CST7: variants seen among roughly 807,000 people sequenced by gnomAD.
The protein encoded by CST7 is cystatin F, also known as cystatin-F.
CST7 carries 15 observed loss-of-function variants against 13.1 expected under a neutral mutation model. The observed-to-expected ratio is 1.14, with a 90% CI of 0.77 to 1.76. CST7 has a LOEUF of 1.76. CST7 is among the 40% of genes most tolerant of loss of function. The pLI is 0.00. For synonymous variants in CST7, 75 were observed against 66.9 expected (o/e 1.12, Z -0.59); for missense variants, 193 against 178.8 (o/e 1.08, Z -0.45).
Position 24,949,468 on chromosome 20 carries a change from AC to A in CST7, c.-33del, listed in dbSNP as rs746026113. ...CTGCCTGAGAAGGCACTGCACGGCC[AC>A]CCCCAACTGCCCCGCACTGTCCCTA... On this transcript the variant is annotated 5_prime_UTR_variant, in exon 1 of 4. Transcript: ENST00000480798. 5.0e-6 allele frequency: 8 copies of A among 1,613,572 alleles called. No homozygotes were observed. Among genetic ancestry groups the A allele is most frequent in the African/African-American group, 4.0e-5 (3 of 74,850 alleles).
chr20:24,949,636 G>A, intron 1 of CST7, 61 bp downstream of exon 1: 3 of 1,600,622 alleles, frequency 1.9e-6, no homozygotes, highest in Non-Finnish European at 2.6e-6. Flanking sequence ...GGCCACTGGT[G>A]CCTTGGGTCT....
At chr20:24,959,096 C>A (rs757767902) in intron 3 of CST7, 52 bp downstream of exon 3, 11 of 1,388,574 alleles carry the variant, frequency 7.9e-6, no homozygotes, top group Middle Eastern at 1.8e-4. Flanking sequence ...CCAGCCCACT[C>A]CCTCCCAGGA....
chr20:24,959,532 T>G, intron 3 of CST7, 103 bp from the exon 4 acceptor site: 1 of 1,047,616 alleles, frequency 9.5e-7, no homozygotes, highest in Non-Finnish European at 1.4e-6. Context: ...AAATGAAAAA[T>G]AGGGGCAGGA....
chr20:24,954,935 AC>A (rs1167161097), intron 1 of CST7, among the ~76,000 whole-genome samples: 4 of 152,144 alleles, frequency 2.6e-5, no homozygotes, highest in Non-Finnish European at 4.4e-5. Flanking sequence ...TCAAATTTCT[AC>A]CAAAAATAGG....
chr20:24,955,025 GGAAA>G (rs1235994467), intron 1 of CST7, among the ~76,000 whole-genome samples: 2 of 145,190 alleles, frequency 1.4e-5, no homozygotes, highest in East Asian at 2.1e-4. Flanking sequence ...TGTAATGTGA[GGAAA>G]GAAAGCAAAA....
chr20:24,959,578 C>G, intron 3 of CST7, 57 bp from the exon 4 acceptor site: 1 of 1,533,498 alleles, frequency 6.5e-7, no homozygotes, highest in Non-Finnish European at 9.0e-7. Context: ...CCTCCACGGG[C>G]AGAGGGCTCC....
At chr20:24,949,724 C>A in intron 1 of CST7, 149 bp downstream of exon 1, 1 of 1,039,142 alleles carries the variant, frequency 9.6e-7, no homozygotes, top group East Asian at 2.6e-5. Context: ...GTGAGAGGGG[C>A]AAGGGGCTCC....
chr20:24,958,039 G>A (rs1040310956), intron 2 of CST7, among the ~76,000 whole-genome samples: 2 of 152,224 alleles, frequency 1.3e-5, no homozygotes, highest in Non-Finnish European at 2.9e-5. Flanking sequence ...GTGGGATGCA[G>A]GCTGTGGATG....
intron 1 of CST7, among the ~76,000 whole-genome samples, chr20:24,956,418 A>G (rs1031868146): frequency 2.6e-5 from 4 of 152,154 alleles, no homozygotes; most frequent in African/African-American, 9.7e-5. Flanking sequence ...TCCAGTCCAT[A>G]GCAGGCACAA....
At chr20:24,952,797 G>A (rs1008341764) in intron 1 of CST7, among the ~76,000 whole-genome samples, 2 of 152,224 alleles carry the variant, frequency 1.3e-5, no homozygotes, top group African/African-American at 4.8e-5. Context: ...CCCCATCTCA[G>A]GGATGGTTTC....
rs1351837645 is a variant in CST7 at position 24,959,638 on chromosome 20, C to A, written c.364C>A (p.Leu122Met). 22 of 1,614,156 alleles carry A rather than the reference C, an allele frequency of 1.4e-5. No homozygotes were observed. Among genetic ancestry groups the A allele is most frequent in the Non-Finnish European group, 1.8e-5 (21 of 1,180,008 alleles). Residue 122 changes from leucine to methionine, a missense_variant, in exon 4 of 4, where the codon CTG becomes ATG. Leu to Met is a conservative substitution (Grantham distance 15, BLOSUM62 2). Coordinates refer to ENST00000480798, the MANE Select transcript of CST7 (RefSeq NM_003650.4). ...FQTNHTLKQT[L>M]SCYSEVWVVP... The stretch of plus-strand genomic sequence containing the variant: ...GGTGTGCCCTTCTCTGTTTCAGACT[C>A]TGAGCTGCTACTCTGAAGTCTGGGT...
chr20:24,954,115 G>A (rs756493457), intron 1 of CST7, among the ~76,000 whole-genome samples: 1 of 152,120 alleles, frequency 6.6e-6, no homozygotes, highest in Non-Finnish European at 1.5e-5. Flanking sequence ...GCCTGTCTTA[G>A]AGTCCACCCT....
chr20:24,957,163 G>A (rs2087863530), intron 1 of CST7, 124 bp from the exon 2 acceptor site: 2 of 948,238 alleles, frequency 2.1e-6, no homozygotes, highest in South Asian at 1.7e-5. Context: ...GCAGGTGAGG[G>A]GTGGGTAGGG....
intron 1 of CST7, among the ~76,000 whole-genome samples, chr20:24,955,464 T>C (rs1278613063): frequency 6.6e-6 from 1 of 151,278 alleles, no homozygotes; most frequent in Non-Finnish European, 1.5e-5. Context: ...TTTTTTTTTT[T>C]TCTGAGACGG....
intron 1 of CST7, among the ~76,000 whole-genome samples, 165 bp from the exon 2 acceptor site, chr20:24,957,122 G>A (rs2087862974): frequency 1.4e-5 from 2 of 147,024 alleles, no homozygotes; most frequent in Non-Finnish European, 3.0e-5. Flanking sequence ...AGGTAAGCAG[G>A]GACAGGTGAC....
At chr20:24,958,808 G>A (rs975487020) in intron 2 of CST7, 120 bp from the exon 3 acceptor site, 6 of 731,868 alleles carry the variant, frequency 8.2e-6, no homozygotes, top group African/African-American at 1.7e-5. Context: ...CCAAGATGCT[G>A]GCCCACTTCC....
intron 1 of CST7, 87 bp from the exon 2 acceptor site, chr20:24,957,200 T>A: frequency 7.3e-7 from 1 of 1,372,334 alleles, no homozygotes; most frequent in Non-Finnish European, 1.0e-6. Flanking sequence ...AGCAGAGAAC[T>A]GAGCATCACA....
chr20:24,950,316 C>A (rs1468723956), intron 1 of CST7, among the ~76,000 whole-genome samples: 1 of 152,210 alleles, frequency 6.6e-6, no homozygotes, highest in African/African-American at 2.4e-5. Flanking sequence ...ATGACCCCCA[C>A]CCAGCAGACA....
At chr20:24,949,625 T>G (rs1405090097) in intron 1 of CST7, 50 bp downstream of exon 1, 1 of 1,607,410 alleles carries the variant, frequency 6.2e-7, no homozygotes, top group South Asian at 1.1e-5. Flanking sequence ...TCCCTGAGAT[T>G]GGCCACTGGT....
Sources: gnomAD v4.1 joint callset for allele counts (sites outside exome capture counted in the v4.1 genomes callset) on GRCh38, gnomAD v4.1.1 for gene constraint, MANE v1.5 for transcripts, NCBI Gene and HGNC (gene_info 2026-07-23, HGNC 2026-07-21) for gene names.